LOXL2: variants seen among roughly 807,000 people sequenced by gnomAD.
LOXL2 encodes lysyl oxidase like 2.
LOXL2 carries 70 observed loss-of-function variants against 93.0 expected under a neutral mutation model. That is an observed-to-expected ratio of 0.75 (90% confidence interval 0.62 to 0.92). The LOEUF is 0.92. Ranked by LOEUF, LOXL2 falls within the 40% of genes least tolerant of loss-of-function variation. LOXL2 has a pLI of 0.00. For synonymous variants in LOXL2, 438 were observed against 413.2 expected (o/e 1.06, Z -0.73); for missense variants, 973 against 1,054.9 (o/e 0.92, Z 1.08).
chr8:23,377,040 A>C (rs1199282542), intron 1 of LOXL2, among the ~76,000 whole-genome samples: 2 of 151,996 alleles, frequency 1.3e-5, no homozygotes, highest in African/African-American at 2.4e-5. Flanking sequence ...TTAGGGTGTC[A>C]ATTTTAGATC....
intron 3 of LOXL2, among the ~76,000 whole-genome samples, chr8:23,346,536 T>C (rs941441702): frequency 7.9e-5 from 12 of 152,248 alleles, no homozygotes; most frequent in Non-Finnish European, 1.6e-4. Flanking sequence ...CTCAGGTTTA[T>C]GCCTAAATGA....
chr8:23,401,344 G>A (rs1800149359), intron 1 of LOXL2, among the ~76,000 whole-genome samples: 2 of 152,092 alleles, frequency 1.3e-5, no homozygotes, highest in South Asian at 4.1e-4. Context: ...GGAAAATTGG[G>A]AAATGCTTAA....
chr8:23,307,339 G>T (rs1380278998), intron 10 of LOXL2, among the ~76,000 whole-genome samples: 1 of 152,162 alleles, frequency 6.6e-6, no homozygotes, highest in Non-Finnish European at 1.5e-5. Flanking sequence ...TGTGGACCAG[G>T]AGGGGGAGAC....
rs75107095 is a variant in LOXL2 at position 23,330,398 on chromosome 8, A to G, written c.967-1833T>C. ...AAAATCCAAACAGAACAAAACACGC[A>G]TAACTACTGGCTGGCTGCAACCTCT... On this transcript the variant is annotated intron_variant, in intron 5 of 13. Coordinates refer to ENST00000389131, the MANE Select transcript of LOXL2 (RefSeq NM_002318.3). 8.5e-3 allele frequency among the ~76,000 whole-genome samples: 1,293 copies of G among 152,232 alleles called. 82 individuals are homozygous for G. In the East Asian group the frequency reaches 0.16, roughly 19 times the overall value.
intron 1 of LOXL2, among the ~76,000 whole-genome samples, chr8:23,387,021 T>C (rs1385796871): frequency 6.6e-6 from 1 of 152,070 alleles, no homozygotes; most frequent in East Asian, 1.9e-4. Context: ...TGGCCTTAAT[T>C]ATTCACACAG....
intron 1 of LOXL2, among the ~76,000 whole-genome samples, chr8:23,376,439 T>C (rs1401454974): frequency 6.6e-6 from 1 of 152,218 alleles, no homozygotes; most frequent in Non-Finnish European, 1.5e-5. Flanking sequence ...GGTATCAGGA[T>C]GATGCTGGCC....
At chr8:23,353,409 A>T (rs1294839138) in intron 3 of LOXL2, among the ~76,000 whole-genome samples, 1 of 152,146 alleles carries the variant, frequency 6.6e-6, no homozygotes, top group African/African-American at 2.4e-5. Context: ...GATTGACCTA[A>T]AACTGATTTT....
chr8:23,383,667 T>TG (rs1804712983), intron 1 of LOXL2, among the ~76,000 whole-genome samples: 1 of 60,654 alleles, frequency 1.6e-5, no homozygotes, highest in African/African-American at 6.1e-5. Context: ...GTTTTTTTTT[T>TG]TTTTTTTTTT....
intron 1 of LOXL2, among the ~76,000 whole-genome samples, chr8:23,387,949 C>T (rs375974804): frequency 1.3e-5 from 2 of 152,216 alleles, no homozygotes; most frequent in African/African-American, 4.8e-5. Flanking sequence ...GACTCTGTCT[C>T]AAACAAACAA....
intron 10 of LOXL2, among the ~76,000 whole-genome samples, chr8:23,305,505 C>G (rs1803215570): frequency 6.6e-6 from 1 of 152,036 alleles, no homozygotes; most frequent in Non-Finnish European, 1.5e-5. Context: ...TAGAGCCCCC[C>G]CACACCCCCC....
chr8:23,348,592 C>T (rs1804032688), intron 3 of LOXL2, among the ~76,000 whole-genome samples: 1 of 151,588 alleles, frequency 6.6e-6, no homozygotes, highest in African/African-American at 2.4e-5. Context: ...AAAACAGTGG[C>T]CTCGGCCGGG....
At chr8:23,315,105 C>T (rs1294144094) in intron 9 of LOXL2, among the ~76,000 whole-genome samples, 1 of 152,146 alleles carries the variant, frequency 6.6e-6, no homozygotes, top group African/African-American at 2.4e-5. Context: ...ACCGCAGGGC[C>T]ACGTATCACT....
intron 1 of LOXL2, among the ~76,000 whole-genome samples, chr8:23,374,049 G>A (rs1401161347): frequency 6.6e-6 from 1 of 151,808 alleles, no homozygotes; most frequent in Non-Finnish European, 1.5e-5. Flanking sequence ...TGCTGCACCC[G>A]TTTACTCGTC....
intron 9 of LOXL2, among the ~76,000 whole-genome samples, chr8:23,316,377 G>C (rs1280088356): frequency 6.6e-6 from 1 of 152,152 alleles, no homozygotes; most frequent in African/African-American, 2.4e-5. Flanking sequence ...GGAAAGGGAG[G>C]GCTGGGTTTG....
chr8:23,325,276 T>C (rs989792403), intron 6 of LOXL2, among the ~76,000 whole-genome samples: 1 of 152,208 alleles, frequency 6.6e-6, no homozygotes. Context: ...CAAAGTTACA[T>C]GCGTGGTTCC....
intron 1 of LOXL2, among the ~76,000 whole-genome samples, chr8:23,379,841 C>T (rs947952729): frequency 6.6e-6 from 1 of 152,124 alleles, no homozygotes; most frequent in Non-Finnish European, 1.5e-5. Flanking sequence ...ATCTGTCAGC[C>T]CTTCCCTTTA....
intron 3 of LOXL2, among the ~76,000 whole-genome samples, chr8:23,351,116 A>G (rs1804086369): frequency 6.6e-6 from 1 of 152,132 alleles, no homozygotes; most frequent in Non-Finnish European, 1.5e-5. Flanking sequence ...CACTCCCTTT[A>G]TCCTCATGTC....
intron 1 of LOXL2, among the ~76,000 whole-genome samples, chr8:23,400,816 G>A (rs1190274026): frequency 6.6e-6 from 1 of 152,154 alleles, no homozygotes; most frequent in African/African-American, 2.4e-5. Flanking sequence ...TAATGAGGAA[G>A]TACACTGCTC....
chr8:23,394,517 C>G (rs1278917929), intron 1 of LOXL2, among the ~76,000 whole-genome samples: 1 of 151,844 alleles, frequency 6.6e-6, no homozygotes, highest in Non-Finnish European at 1.5e-5. Flanking sequence ...TGATACATCA[C>G]TCGTCATCAA....
Sources: gnomAD v4.1 joint callset for allele counts (sites outside exome capture counted in the v4.1 genomes callset) on GRCh38, gnomAD v4.1.1 for gene constraint, MANE v1.5 for transcripts, NCBI Gene and HGNC (gene_info 2026-07-23, HGNC 2026-07-21) for gene names.